The following GSE1 variants were observed in gnomAD, a reference collection of about 807,000 sequenced individuals.
The protein encoded by GSE1 is Gse1 coiled-coil protein, also known as genetic suppressor element 1.
GSE1 carries 32 observed loss-of-function variants against 112.6 expected under a neutral mutation model. The observed-to-expected ratio is 0.28, with a 90% CI of 0.21 to 0.38. GSE1 has a LOEUF of 0.38. Ranked by LOEUF, GSE1 falls within the 10% of genes least tolerant of loss-of-function variation. The probability of loss-of-function intolerance (pLI) is 1.00; values close to 1 mark genes in which losing one functional copy is unlikely to be tolerated. For synonymous variants in GSE1, 1,115 were observed against 735.6 expected (o/e 1.52, Z -8.35); for missense variants, 2,348 against 1,699.2 (o/e 1.38, Z -6.71).
At chr16:85,616,140 C>A (rs937227256) in intron 1 of GSE1, among the ~76,000 whole-genome samples, 15 of 152,264 alleles carry the variant, frequency 9.9e-5, no homozygotes, top group Non-Finnish European at 1.6e-4. Flanking sequence ...TGTGGCAGAC[C>A]GGGGTCCTGC....
chr16:85,256,469 G>T (rs549038561), intron 1 of GSE1, among the ~76,000 whole-genome samples: 6 of 152,250 alleles, frequency 3.9e-5, no homozygotes, highest in South Asian at 2.1e-4. Context: ...CCTTGGTGCA[G>T]ATGGGGTAGC....
At chr16:85,395,507 G>A (rs1332808059) in intron 2 of GSE1, among the ~76,000 whole-genome samples, 1 of 152,162 alleles carries the variant, frequency 6.6e-6, no homozygotes, top group African/African-American at 2.4e-5. Context: ...GGCCAGGCTG[G>A]ACACAGGCTG....
At chr16:85,434,022 A>G (rs995364636) in intron 2 of GSE1, among the ~76,000 whole-genome samples, 1 of 152,244 alleles carries the variant, frequency 6.6e-6, no homozygotes, top group East Asian at 1.9e-4. Flanking sequence ...GCTGGGCACA[A>G]CCCAAACCTG....
chr16:85,620,407 C>T (rs1382807489), intron 1 of GSE1, among the ~76,000 whole-genome samples: 1 of 152,200 alleles, frequency 6.6e-6, no homozygotes, highest in Admixed American at 6.5e-5. Context: ...AATGTTTTTG[C>T]ATTTGACATG....
chr16:85,418,325 A>AC (rs1341746135), intron 2 of GSE1, among the ~76,000 whole-genome samples: 1 of 152,174 alleles, frequency 6.6e-6, no homozygotes, highest in African/African-American at 2.4e-5. Flanking sequence ...AAGGCATGGG[A>AC]CCCCAGGGTC....
chr16:85,246,818 C>T (rs1353168160), intron 1 of GSE1, among the ~76,000 whole-genome samples: 3 of 152,232 alleles, frequency 2.0e-5, no homozygotes, highest in African/African-American at 7.2e-5. Flanking sequence ...CTACTGAGCA[C>T]CAGAGGAAGG....
intron 8 of GSE1, 44 bp downstream of exon 8, chr16:85,657,648 C>T (rs968427724): frequency 7.4e-7 from 1 of 1,355,046 alleles, no homozygotes. Flanking sequence ...CCTTCACGTT[C>T]CGATTTGTTC....
At chr16:85,265,766 C>T (rs973805561) in intron 1 of GSE1, among the ~76,000 whole-genome samples, 30 of 152,084 alleles carry the variant, frequency 2.0e-4, no homozygotes, top group Admixed American at 1.0e-3. Flanking sequence ...ACCTGGGGTG[C>T]CCGAACATCC....
At chr16:85,420,110 C>G (rs1051802789) in intron 2 of GSE1, among the ~76,000 whole-genome samples, 10 of 151,788 alleles carry the variant, frequency 6.6e-5, no homozygotes, top group South Asian at 2.1e-4. Context: ...TCAGGCCAGA[C>G]GGGTGGTGGC....
intron 2 of GSE1, among the ~76,000 whole-genome samples, chr16:85,482,408 C>G (rs1215742303): frequency 6.6e-6 from 1 of 152,202 alleles, no homozygotes; most frequent in Non-Finnish European, 1.5e-5. Flanking sequence ...GGGACCAGGT[C>G]AGGTGGTCTG....
chr16:85,170,064 C>A (rs921237526), exon 1 of GSE1: 2 of 984,830 alleles, frequency 2.0e-6, no homozygotes, highest in Non-Finnish European at 2.4e-6. Flanking sequence ...CGGACACCGA[C>A]CCCCTTTCCG....
chr16:85,272,777 CTTTTTTTTT>C (rs1204820536), intron 1 of GSE1, among the ~76,000 whole-genome samples: 1 of 131,426 alleles, frequency 7.6e-6, no homozygotes, highest in Admixed American at 7.6e-5. Context: ...CTTCTCTTTT[CTTTTTTTTT>C]TTTTTTTTTG....
chr16:85,588,237 T>G (rs1199682862), intron 1 of GSE1, among the ~76,000 whole-genome samples: 1 of 152,324 alleles, frequency 6.6e-6, no homozygotes, highest in Non-Finnish European at 1.5e-5. Flanking sequence ...TGCCACCAGC[T>G]TCCCAGAACG....
At chr16:85,176,016 TCTCA>T (rs1443113514) in intron 1 of GSE1, among the ~76,000 whole-genome samples, 1 of 151,298 alleles carries the variant, frequency 6.6e-6, no homozygotes, top group Non-Finnish European at 1.5e-5. Flanking sequence ...TGAGACAGGG[TCTCA>T]CTCTGTTGCC....
intron 2 of GSE1, among the ~76,000 whole-genome samples, chr16:85,646,951 T>C (rs560858596): frequency 6.6e-6 from 1 of 152,178 alleles, no homozygotes; most frequent in South Asian, 2.1e-4. Context: ...AGGAGGACTC[T>C]TGCAGCAGGT....
At chr16:85,636,697 G>A (rs990949207) in intron 2 of GSE1, among the ~76,000 whole-genome samples, 2 of 149,952 alleles carry the variant, frequency 1.3e-5, no homozygotes, top group African/African-American at 4.9e-5. Context: ...CCGGGGGGGG[G>A]CTGGGAGAGC....
chr16:85,669,746 G>C (rs1567769101), intron 14 of GSE1, among the ~76,000 whole-genome samples: 1 of 152,138 alleles, frequency 6.6e-6, no homozygotes, highest in Non-Finnish European at 1.5e-5. Context: ...GCTTTTTCCT[G>C]TTCTGCGTAG....
intron 2 of GSE1, among the ~76,000 whole-genome samples, chr16:85,403,143 C>T (rs915723130): frequency 1.3e-5 from 2 of 152,060 alleles, no homozygotes; most frequent in Non-Finnish European, 2.9e-5. Context: ...CAGTTCCTTG[C>T]CGGATGCTGG....
rs756549201 is a variant in GSE1 at position 85,655,867 on chromosome 16, A to G, written c.939A>G (p.Ser313=). The G allele has an allele frequency of 1.9e-6, 3 of 1,608,448 alleles. No individual in the cohort carries two copies. The highest frequency in any genetic ancestry group is 2.5e-6 in the Non-Finnish European group (3 of 1,179,772). Residue 313 remains serine (S), a synonymous_variant, in exon 6 of 16, where the codon TCA becomes TCG. Transcript: ENST00000253458. ...GCTACCCTCCCGAGCTCTCCCACTC[A>G]TCCCTGGCAGCGCTGCACTCGGAGC... ...GVRYPPELSH[S]SLAALHSERM... is the part of the protein sequence containing the mutation.
Sources: allele counts gnomAD v4.1 joint callset (sites outside exome capture counted in the v4.1 genomes callset), GRCh38; gene constraint gnomAD v4.1.1; transcripts MANE v1.5; gene names NCBI Gene and HGNC (gene_info 2026-07-23, HGNC 2026-07-21).